CPNE1: variants seen among roughly 807,000 people sequenced by gnomAD.
The protein encoded by CPNE1 is copine 1.
CPNE1 carries 58 observed loss-of-function variants against 63.2 expected under a neutral mutation model. The observed-to-expected ratio is 0.92, with a 90% CI of 0.74 to 1.14. The LOEUF is 1.14. Among genes scored for constraint, CPNE1 ranks in the 50% most tolerant of loss-of-function variants. CPNE1 has a pLI of 0.00. For synonymous variants in CPNE1, 237 were observed against 249.0 expected, an observed-to-expected ratio of 0.95 and a Z score of 0.45; for missense variants, 672 against 661.7, an observed-to-expected ratio of 1.02 and a Z score of -0.17.
rs764288455 is a variant in CPNE1 at position 35,653,269 on chromosome 20, G to A, written c.-1+11491C>T. On this transcript the variant is annotated intron_variant, in intron 1 of 15. Transcript: ENST00000397443. ...GGGCATTCCCGCACCAGGCAGTCCTGCACTGGTTATTGCTGAACCAGGCAG... is the reference window on the plus strand; with the variant it reads ...GGGCATTCCCGCACCAGGCAGTCCTACACTGGTTATTGCTGAACCAGGCAG... The A allele has an allele frequency of 4.3e-6, 7 of 1,613,510 alleles. No homozygotes were observed. The South Asian group carries it at 6.6e-5, about 15-fold the overall frequency.
intron 1 of CPNE1, among the ~76,000 whole-genome samples, chr20:35,657,546 C>G (rs1299838997): frequency 6.6e-6 from 1 of 152,082 alleles, no homozygotes; most frequent in African/African-American, 2.4e-5. Context: ...AAATTAAACA[C>G]AGGGCTAAAG....
chr20:35,646,170 T>C (rs1169378312), intron 1 of CPNE1, among the ~76,000 whole-genome samples: 1 of 146,404 alleles, frequency 6.8e-6, no homozygotes, highest in Non-Finnish European at 1.5e-5. Context: ...TGAAGCAGGA[T>C]TGCTTGAGCC....
At chr20:35,648,886 C>T (rs2033310412) in intron 1 of CPNE1, 1 of 152,522 alleles carries the variant, frequency 6.6e-6, no homozygotes, top group African/African-American at 2.4e-5. Context: ...AAACAAAAAC[C>T]CTGACAAGAT....
At chr20:35,630,135 C>T (rs1177964969) in intron 13 of CPNE1, among the ~76,000 whole-genome samples, 1 of 151,906 alleles carries the variant, frequency 6.6e-6, no homozygotes, top group Non-Finnish European at 1.5e-5. Flanking sequence ...CTCTACTAAA[C>T]ATACAAAAAT....
At chr20:35,659,126 T>C in intron 1 of CPNE1, 1 of 402,792 alleles carries the variant, frequency 2.5e-6, no homozygotes, top group East Asian at 3.7e-5. Context: ...AGTACTTCAT[T>C]AGAATGCATA....
Position 35,626,349 on chromosome 20 carries a change from G to A in CPNE1, c.1506C>T (p.Leu502=), listed in dbSNP as rs368997251. 35 of 1,613,966 alleles carry A rather than the reference G, an allele frequency of 2.2e-5. No individual in the cohort carries two copies. The highest frequency in any genetic ancestry group is 2.1e-4 in the South Asian group (19 of 91,082). The change falls in exon 16 of 16, where the codon CTC becomes CTT. Residue 502 remains leucine (L), a synonymous_variant. Transcript: ENST00000397443. ...AGACCAGTTGTGTGGGCACTTCTGC[G>A]AGCACGGTCTGTGCCAATGCCTCCC... ...APREALAQTV[L]AEVPTQLVSY...
chr20:35,653,426 CA>C (rs1162452397), intron 1 of CPNE1: 1 of 1,613,290 alleles, frequency 6.2e-7, no homozygotes, highest in African/African-American at 1.3e-5. Flanking sequence ...TTTCCTTGGG[CA>C]GGGGGATTTT....
At chr20:35,655,705 T>C (rs2033855435) in intron 1 of CPNE1, among the ~76,000 whole-genome samples, 1 of 152,116 alleles carries the variant, frequency 6.6e-6, no homozygotes, top group Admixed American at 6.5e-5. Context: ...AGTTTAACAA[T>C]CTATAGGGAA....
chr20:35,654,937 G>A (rs764838180), intron 1 of CPNE1: 2 of 1,614,094 alleles, frequency 1.2e-6, no homozygotes, highest in Admixed American at 1.7e-5. Context: ...ACTGGGTGAT[G>A]GATTATTAAA....
chr20:35,631,655 C>T lies in CPNE1; in HGVS notation c.627+33G>A, dbSNP rs148007046. On this transcript the variant is annotated intron_variant, in intron 7 of 15. Transcript: ENST00000397443. ...AAGTCCCTCCCCAGGTTCTCTTCTC[C>T]AGCGCAGTCCACTTAGGGGGCAAGC... The T allele has an allele frequency of 1.0e-3, 1,609 of 1,610,460 alleles. 20 individuals are homozygous for T. The African/African-American group carries it at 0.018, about 18-fold the overall frequency.
chr20:35,630,283 A>G (rs1398644087), intron 13 of CPNE1, among the ~76,000 whole-genome samples, 156 bp downstream of exon 13: 1 of 152,202 alleles, frequency 6.6e-6, no homozygotes, highest in Non-Finnish European at 1.5e-5. Context: ...TGACAGAGCA[A>G]GACTCTTTCT....
intron 1 of CPNE1, chr20:35,654,885 G>T: frequency 6.2e-7 from 1 of 1,614,114 alleles, no homozygotes; most frequent in Non-Finnish European, 8.5e-7. Context: ...ATGTCTGTAT[G>T]TTTTTGTTGC....
chr20:35,659,121 T>G (rs576250971), intron 1 of CPNE1: 19 of 433,670 alleles, frequency 4.4e-5, no homozygotes, highest in Non-Finnish European at 6.3e-5. Context: ...ACCAGAGTAC[T>G]TCATTAGAAT....
intron 1 of CPNE1, among the ~76,000 whole-genome samples, chr20:35,661,138 C>A (rs6121018): frequency 0.26 from 39,142 of 151,814 alleles, 5,791 homozygotes; most frequent in African/African-American, 0.42. Context: ...CCAAGGAAAA[C>A]CATGCAGAAA....
At chr20:35,657,327 CA>C (rs1205341288) in intron 1 of CPNE1, among the ~76,000 whole-genome samples, 5 of 152,186 alleles carry the variant, frequency 3.3e-5, no homozygotes, top group Non-Finnish European at 7.4e-5. Context: ...GTCATTAAAT[CA>C]AATTCACATT....
In CPNE1 at chr20:35,631,013, A is replaced by G. The variant is rs2032091865; in HGVS notation, c.883T>C (p.Ser295Pro). 6.2e-7 allele frequency: 1 copy of G among 1,613,624 alleles called. No individual in the cohort carries two copies. Among genetic ancestry groups the G allele is most frequent in the African/African-American group, 1.3e-5 (1 of 74,746 alleles). Residue 295 changes from serine to proline, a missense_variant, in exon 11 of 16, where the codon TCC becomes CCC. By Grantham distance (74) the Ser-to-Pro change is moderately conservative. Transcript: ENST00000397443. ...TCAGGTGAGGAGGGGTCTCCATTGG[A>G]GCCAGTGAAGTCCACGCCCACCTGG... ...NFTVGVDFTGSNGDPSSPDSL... is the reference protein window; with the variant it reads ...NFTVGVDFTGPNGDPSSPDSL...
At chr20:35,634,556 C>T (rs531262992) in intron 1 of CPNE1, among the ~76,000 whole-genome samples, 25 of 151,258 alleles carry the variant, frequency 1.7e-4, no homozygotes, top group African/African-American at 4.9e-4. Context: ...ATCGCGCCAC[C>T]GTACTCCAGC....
intron 1 of CPNE1, among the ~76,000 whole-genome samples, chr20:35,645,762 C>G (rs1379949013): frequency 2.0e-5 from 3 of 152,162 alleles, no homozygotes; most frequent in African/African-American, 7.2e-5. Context: ...GCACAGGGAC[C>G]CTACTGGTCC....
intron 1 of CPNE1, among the ~76,000 whole-genome samples, chr20:35,640,205 TTAA>T (rs1287382627): frequency 6.6e-6 from 1 of 152,224 alleles, no homozygotes; most frequent in Non-Finnish European, 1.5e-5. Flanking sequence ...CACGGGATTA[TTAA>T]TCTCTTCCAA....
Sources: gnomAD v4.1 joint callset for allele counts (sites outside exome capture counted in the v4.1 genomes callset) on GRCh38, gnomAD v4.1.1 for gene constraint, MANE v1.5 for transcripts, NCBI Gene and HGNC (gene_info 2026-07-23, HGNC 2026-07-21) for gene names.